VAMP4: variants seen among roughly 807,000 people sequenced by gnomAD.
VAMP4 encodes the protein vesicle-associated membrane protein 4.
VAMP4 carries 19 observed loss-of-function variants against 23.5 expected under a neutral mutation model. That is an observed-to-expected ratio of 0.81 (90% confidence interval 0.56 to 1.19). The LOEUF (loss-of-function observed/expected upper bound fraction) is 1.19. Among genes scored for constraint, VAMP4 ranks in the 50% most tolerant of loss-of-function variants. The pLI is 0.00. For synonymous variants in VAMP4, 31 were observed against 51.0 expected, an observed-to-expected ratio of 0.61 and a Z score of 1.67; for missense variants, 145 against 168.6, an observed-to-expected ratio of 0.86 and a Z score of 0.78.
intron 6 of VAMP4, 76 bp from the exon 7 acceptor site, chr1:171,706,494 C>T: frequency 7.4e-7 from 1 of 1,353,782 alleles, no homozygotes; most frequent in Non-Finnish European, 1.0e-6. Context: ...GTTCTATTTA[C>T]TGCATCATAC....
intron 3 of VAMP4, 130 bp downstream of exon 3, chr1:171,728,394 A>T (rs754814325): frequency 6.1e-5 from 40 of 660,748 alleles, no homozygotes; most frequent in Non-Finnish European, 7.7e-5. Context: ...CCACTGGGGG[A>T]TCTTGGAAGG....
At chr1:171,706,315 G>T in intron 7 of VAMP4, 52 bp downstream of exon 7, 2 of 1,533,912 alleles carry the variant, frequency 1.3e-6, no homozygotes, top group South Asian at 2.4e-5. Flanking sequence ...GAATTAAAAT[G>T]AACTCCAAAA....
At chr1:171,738,268 G>A in intron 2 of VAMP4, 81 bp downstream of exon 2, 1 of 1,531,624 alleles carries the variant, frequency 6.5e-7, no homozygotes, top group Non-Finnish European at 9.0e-7. Flanking sequence ...ACGCCCGGAT[G>A]GTTTTTCTTC....
At chr1:171,738,918 T>C (rs1428495288) in intron 1 of VAMP4, among the ~76,000 whole-genome samples, 1 of 152,200 alleles carries the variant, frequency 6.6e-6, no homozygotes, top group Non-Finnish European at 1.5e-5. Flanking sequence ...GACGGTCAAA[T>C]TGGATAATAC....
intron 4 of VAMP4, among the ~76,000 whole-genome samples, chr1:171,712,345 G>C (rs1359002537): frequency 6.6e-6 from 1 of 152,044 alleles, no homozygotes; most frequent in Non-Finnish European, 1.5e-5. Flanking sequence ...GTTTAATTTT[G>C]AAAGAGTTCT....
intron 6 of VAMP4, among the ~76,000 whole-genome samples, chr1:171,708,698 TAAA>T (rs58332156): frequency 1.5e-5 from 2 of 131,662 alleles, no homozygotes; most frequent in Admixed American, 7.8e-5. Context: ...CCGTCTCTAC[TAAA>T]AAAAAAAAAA....
At chr1:171,722,047 C>A (rs1655213614) in intron 3 of VAMP4, among the ~76,000 whole-genome samples, 1 of 152,058 alleles carries the variant, frequency 6.6e-6, no homozygotes, top group South Asian at 2.1e-4. Flanking sequence ...GTACTGGTAC[C>A]AAAACAGAGA....
intron 2 of VAMP4, among the ~76,000 whole-genome samples, chr1:171,737,971 TTATTA>T (rs1655795520): frequency 9.3e-6 from 1 of 107,346 alleles, no homozygotes; most frequent in South Asian, 2.4e-4. Flanking sequence ...TCTGTTGTTA[TTATTA>T]TTAGTTAATT....
intron 2 of VAMP4, among the ~76,000 whole-genome samples, chr1:171,735,749 T>G (rs1193832765): frequency 6.6e-6 from 1 of 152,232 alleles, no homozygotes; most frequent in Non-Finnish European, 1.5e-5. Flanking sequence ...CAGCTTTTAC[T>G]GGATGCATAT....
chr1:171,719,335 A>G, intron 3 of VAMP4, 114 bp from the exon 4 acceptor site: 1 of 835,426 alleles, frequency 1.2e-6, no homozygotes, highest in Non-Finnish European at 1.8e-6. Flanking sequence ...CTAAACATGG[A>G]TCAGTTATTT....
intron 6 of VAMP4, among the ~76,000 whole-genome samples, chr1:171,706,644 AAAGT>A (rs1293756369): frequency 6.6e-6 from 1 of 152,168 alleles, no homozygotes; most frequent in African/African-American, 2.4e-5. Flanking sequence ...TGCAAAGAAG[AAAGT>A]AAGGGGAGAA....
At chr1:171,736,103 T>A (rs1416895619) in intron 2 of VAMP4, among the ~76,000 whole-genome samples, 4 of 152,156 alleles carry the variant, frequency 2.6e-5, no homozygotes, top group African/African-American at 9.7e-5. Flanking sequence ...GCCAGACTGG[T>A]CTTGAATTCC....
At chr1:171,733,138 A>G (rs1655613722) in intron 2 of VAMP4, among the ~76,000 whole-genome samples, 1 of 152,000 alleles carries the variant, frequency 6.6e-6, no homozygotes, top group Non-Finnish European at 1.5e-5. Context: ...CAAGTAACAG[A>G]CAAGCATTAC....
In VAMP4 at chr1:171,704,413, T is replaced by C; in HGVS notation, c.*93A>G. On this transcript the variant is annotated 3_prime_UTR_variant, in exon 8 of 8. Transcript: ENST00000236192. ...TCTTAGTTTCTTGAAAAAGAAGTTT[T>C]GAAAGTTATATACACATAGGTTTCA... 1 of 1,102,358 alleles carries C rather than the reference T, an allele frequency of 9.1e-7. No homozygotes were observed. The allele number at this position is 1,102,358 out of a possible 1,614,324, so 68.3% of individuals were successfully genotyped here. A position where few individuals can be genotyped will look rare whatever the true frequency, so the allele number is the denominator to read the frequency against.
chr1:171,712,389 AG>A (rs1250130644), intron 4 of VAMP4, among the ~76,000 whole-genome samples: 3 of 152,146 alleles, frequency 2.0e-5, no homozygotes, highest in African/African-American at 4.8e-5. Flanking sequence ...TTCTTCAAAA[AG>A]TTTGCTATAA....
intron 7 of VAMP4, 51 bp from the exon 8 acceptor site, chr1:171,704,585 C>A: frequency 7.3e-7 from 1 of 1,372,590 alleles, no homozygotes; most frequent in Non-Finnish European, 9.9e-7. Context: ...GATATATATG[C>A]TATGTTTGAA....
intron 7 of VAMP4, among the ~76,000 whole-genome samples, chr1:171,704,789 A>C (rs922705744): frequency 2.6e-5 from 4 of 152,038 alleles, no homozygotes; most frequent in Non-Finnish European, 5.9e-5. Flanking sequence ...TTAAAATATT[A>C]CTAAAAATTT....
intron 4 of VAMP4, among the ~76,000 whole-genome samples, chr1:171,715,593 A>G (rs1177125251): frequency 6.6e-6 from 1 of 152,222 alleles, no homozygotes; most frequent in Non-Finnish European, 1.5e-5. Context: ...TGAGAATTAA[A>G]TGAGATAGTG....
At position 171,736,917 on chromosome 1, in the gene VAMP4, C is replaced by T. The variant is rs375783705; in HGVS notation, c.66+1432G>A. ...GCTTGGGCCCAAAAGGTGGAGGCTGCAGTGAGCTGTGATTGCACCACTGCA... is the reference window on the plus strand; with the variant it reads ...GCTTGGGCCCAAAAGGTGGAGGCTGTAGTGAGCTGTGATTGCACCACTGCA... On this transcript the variant is annotated intron_variant, in intron 2 of 7. Coordinates refer to ENST00000236192, the MANE Select transcript of VAMP4 (RefSeq NM_003762.5). Among the ~76,000 whole-genome samples the T allele has an allele frequency of 7.2e-5, 11 of 152,262 alleles. 1 individual carries two copies. The highest frequency in any genetic ancestry group is 2.0e-4 in the Admixed American group (3 of 15,284).
Sources: allele counts gnomAD v4.1 joint callset (sites outside exome capture counted in the v4.1 genomes callset), GRCh38; gene constraint gnomAD v4.1.1; transcripts MANE v1.5; gene names NCBI Gene and HGNC (gene_info 2026-07-23, HGNC 2026-07-21).